The following ADGRL2 variants were observed in gnomAD, a reference collection of about 807,000 sequenced individuals.
ADGRL2 encodes the protein calcium-independent alpha-latrotoxin receptor 2.
Under a neutral mutation model 157.4 loss-of-function variants are expected in ADGRL2, and 44 were observed. That is an observed-to-expected ratio of 0.28 (90% CI 0.22 to 0.36). The LOEUF (loss-of-function observed/expected upper bound fraction) is 0.36, where lower values mean the gene tolerates loss of function less well. ADGRL2 is among the 10% of genes least tolerant of loss of function. The pLI is 1.00. For synonymous variants in ADGRL2, 585 were observed against 624.7 expected (o/e 0.94, Z 0.95); for missense variants, 1,510 against 1,768.9 (o/e 0.85, Z 2.63).
At chr1:81,687,193 T>TTTC (rs1214248026) in intron 3 of ADGRL2, among the ~76,000 whole-genome samples, 3 of 152,212 alleles carry the variant, frequency 2.0e-5, no homozygotes, top group Admixed American at 2.0e-4. Flanking sequence ...GTTTGTTGAC[T>TTTC]TTCTGTCTTG....
At chr1:81,690,063 A>G (rs1047091500) in intron 3 of ADGRL2, among the ~76,000 whole-genome samples, 2 of 152,188 alleles carry the variant, frequency 1.3e-5, no homozygotes, top group Admixed American at 6.5e-5. Flanking sequence ...TAGGAGGACA[A>G]AGAGAAAGGG....
At chr1:81,930,489 T>C (rs1457018302) in intron 3 of ADGRL2, among the ~76,000 whole-genome samples, 2 of 152,186 alleles carry the variant, frequency 1.3e-5, no homozygotes, top group Non-Finnish European at 2.9e-5. Context: ...ATTGATTACA[T>C]CTGGAAGATA....
intron 1 of ADGRL2, among the ~76,000 whole-genome samples, chr1:81,746,726 T>C (rs1421689641): frequency 1.3e-5 from 2 of 152,008 alleles, no homozygotes; most frequent in Non-Finnish European, 2.9e-5. Flanking sequence ...ATTATCATAA[T>C]TACTAAAACA....
At chr1:81,769,122 G>A (rs1385413266) in intron 2 of ADGRL2, among the ~76,000 whole-genome samples, 2 of 152,094 alleles carry the variant, frequency 1.3e-5, no homozygotes, top group Non-Finnish European at 2.9e-5. Context: ...CTGATTTGTA[G>A]ATAATATCTG....
intron 11 of ADGRL2, among the ~76,000 whole-genome samples, chr1:81,957,504 GC>G (rs1163751412): frequency 1.3e-5 from 2 of 152,054 alleles, no homozygotes; most frequent in Non-Finnish European, 2.9e-5. Context: ...TTCGAGGCCA[GC>G]CTGGGCAACA....
At chr1:81,719,274 G>C (rs191466051) in intron 1 of ADGRL2, among the ~76,000 whole-genome samples, 1 of 152,198 alleles carries the variant, frequency 6.6e-6, no homozygotes, top group East Asian at 1.9e-4. Context: ...GCCACCATCC[G>C]TTCCTCACAA....
intron 1 of ADGRL2, among the ~76,000 whole-genome samples, chr1:81,822,111 C>A (rs1359787861): frequency 1.4e-5 from 2 of 143,408 alleles, no homozygotes; most frequent in African/African-American, 2.6e-5. Context: ...GGTGAGATAG[C>A]CCACAATTGG....
intron 3 of ADGRL2, among the ~76,000 whole-genome samples, chr1:81,654,497 A>T (rs1203690737): frequency 6.6e-6 from 1 of 152,168 alleles, no homozygotes; most frequent in Non-Finnish European, 1.5e-5. Context: ...ACCTCCTAAA[A>T]GACAAATCTT....
rs199720354 is a variant in ADGRL2, at chr1:81,398,242, GT to G, written c.-301-46785del. Among the ~76,000 whole-genome samples the G allele has an allele frequency of 6.0e-5, 9 of 150,996 alleles. No homozygotes were observed. In the South Asian group the frequency reaches 6.3e-4, roughly 11 times the overall value. ...GTTTTTTTGCATATAGCTGAGTCAT[GT>G]TTTTTTTTACATTCTGTCACTGTAT... On this transcript the variant is annotated intron_variant, in intron 1 of 24. Transcript: ENST00000370721.
At chr1:81,370,467 T>G (rs993766361) in intron 1 of ADGRL2, among the ~76,000 whole-genome samples, 10 of 152,126 alleles carry the variant, frequency 6.6e-5, no homozygotes, top group Non-Finnish European at 1.3e-4. Context: ...AATAAGGTGA[T>G]TTATTAAAAC....
intron 2 of ADGRL2, among the ~76,000 whole-genome samples, chr1:81,904,697 C>T (rs987919678): frequency 6.6e-6 from 1 of 152,190 alleles, no homozygotes; most frequent in Non-Finnish European, 1.5e-5. Context: ...ATCACGAGGT[C>T]AAGGGTTCGA....
chr1:81,593,120 G>T (rs975780238), intron 3 of ADGRL2, among the ~76,000 whole-genome samples: 4 of 152,268 alleles, frequency 2.6e-5, no homozygotes, highest in African/African-American at 9.6e-5. Context: ...TATTTGATAG[G>T]TGTTATCACT....
At chr1:81,626,667 A>C (rs1001144103) in intron 3 of ADGRL2, among the ~76,000 whole-genome samples, 6 of 152,324 alleles carry the variant, frequency 3.9e-5, no homozygotes, top group Admixed American at 3.9e-4. Flanking sequence ...AGCTGAAAAC[A>C]TTATTCACTG....
chr1:81,859,481 A>G (rs2093322153), intron 2 of ADGRL2, among the ~76,000 whole-genome samples: 1 of 138,320 alleles, frequency 7.2e-6, no homozygotes, highest in African/African-American at 2.8e-5. Context: ...ATTTCTGCCT[A>G]CTGCAACCTC....
At chr1:81,557,999 A>C (rs956763715) in intron 2 of ADGRL2, among the ~76,000 whole-genome samples, 2 of 152,198 alleles carry the variant, frequency 1.3e-5, no homozygotes, top group Non-Finnish European at 2.9e-5. Context: ...TTATACGGTA[A>C]TGAAATCGCC....
intron 1 of ADGRL2, among the ~76,000 whole-genome samples, chr1:81,394,277 C>A (rs1036301267): frequency 6.6e-6 from 1 of 152,114 alleles, no homozygotes; most frequent in Non-Finnish European, 1.5e-5. Context: ...TTTATAGTCA[C>A]TATATGGTAC....
chr1:81,684,796 G>A (rs780037985), intron 3 of ADGRL2, among the ~76,000 whole-genome samples: 29 of 152,132 alleles, frequency 1.9e-4, no homozygotes, highest in Non-Finnish European at 2.9e-4. Flanking sequence ...TCCATCTTGA[G>A]TTGATATTTG....
rs1044061014 is a variant in ADGRL2 at position 81,395,532 on chromosome 1, G to A, written c.-301-49504G>A. Among the ~76,000 whole-genome samples, 9 of 152,130 alleles carry A rather than the reference G, an allele frequency of 5.9e-5. No homozygotes were observed. The South Asian group carries it at 1.0e-3, about 18-fold the overall frequency. On this transcript the variant is annotated intron_variant, in intron 1 of 24. Transcript: ENST00000370721. ...TGGTGGATTGTTTCCTTTCTTTGCT[G>A]GGCAGTAGCATTTCAGTTTGATATA...
intron 1 of ADGRL2, among the ~76,000 whole-genome samples, chr1:81,825,657 CAAAAAAAAAAA>C (rs71085375): frequency 2.3e-5 from 2 of 86,754 alleles, no homozygotes; most frequent in Non-Finnish European, 4.4e-5. Flanking sequence ...ACCCTGTCTC[CAAAAAAAAAAA>C]AAAAAAAAAG....
Sources: allele counts gnomAD v4.1 joint callset (sites outside exome capture counted in the v4.1 genomes callset), GRCh38; gene constraint gnomAD v4.1.1; transcripts MANE v1.5; gene names NCBI Gene and HGNC (gene_info 2026-07-23, HGNC 2026-07-21).